Variants in TSKS observed in about 807,000 individuals in gnomAD.
TSKS encodes the protein testis specific serine kinase substrate.
TSKS carries 27 observed loss-of-function variants against 68.0 expected under a neutral mutation model. That is an observed-to-expected ratio of 0.40 (90% CI 0.29 to 0.55). TSKS has a LOEUF of 0.55. Ranked by LOEUF, TSKS falls within the 20% of genes least tolerant of loss-of-function variation. The pLI is 0.53. For synonymous variants in TSKS, 331 were observed against 340.4 expected, an observed-to-expected ratio of 0.97 and a Z score of 0.30; for missense variants, 806 against 776.0, an observed-to-expected ratio of 1.04 and a Z score of -0.46.
At chr19:49,761,904 T>G in intron 2 of TSKS, 100 bp downstream of exon 2, 1 of 963,002 alleles carries the variant, frequency 1.0e-6, no homozygotes, top group South Asian at 1.6e-5. Flanking sequence ...CAGAACATTC[T>G]AACTCCAAGT....
intron 2 of TSKS, among the ~76,000 whole-genome samples, chr19:49,759,676 A>G (rs1460589873): frequency 2.0e-5 from 3 of 150,882 alleles, no homozygotes; most frequent in Non-Finnish European, 4.4e-5. Flanking sequence ...AAAGAAAGAA[A>G]AAAATTTGTT....
At chr19:49,748,906 A>T (rs1402852472) in intron 2 of TSKS, among the ~76,000 whole-genome samples, 1 of 152,128 alleles carries the variant, frequency 6.6e-6, no homozygotes, top group Non-Finnish European at 1.5e-5. Context: ...AACTCTACTA[A>T]AAATACAAAA....
chr19:49,762,999 C>T (rs941062987), intron 1 of TSKS, 79 bp downstream of exon 1: 6 of 1,506,468 alleles, frequency 4.0e-6, no homozygotes, highest in Non-Finnish European at 5.3e-6. Flanking sequence ...CTTCCTCTAG[C>T]ACCCACAGTC....
intron 2 of TSKS, among the ~76,000 whole-genome samples, chr19:49,753,486 C>T (rs200406799): frequency 7.3e-5 from 11 of 151,322 alleles, no homozygotes; most frequent in South Asian, 2.1e-4. Flanking sequence ...GGTGTGAACC[C>T]GGGAGGCGGA....
rs1421851374 is a variant in TSKS, at chr19:49,748,487, A to C, written c.400-18T>G. On this transcript the variant is annotated intron_variant, in intron 2 of 10. Coordinates refer to ENST00000246801, the MANE Select transcript of TSKS (RefSeq NM_021733.2). ...ACCCCACTCTGGGGAAGAATGGGAG[A>C]CAGGTGAGTTAGTGGGTATGTGGGG... The C allele has an allele frequency of 6.2e-7, 1 of 1,611,016 alleles. No homozygotes were observed. Among genetic ancestry groups the C allele is most frequent in the African/African-American group, 1.3e-5 (1 of 75,008 alleles).
chr19:49,743,290 G>A (rs1301039839), intron 8 of TSKS, among the ~76,000 whole-genome samples: 2 of 151,738 alleles, frequency 1.3e-5, no homozygotes, highest in South Asian at 2.1e-4. Context: ...TGTTGGCCAG[G>A]CTGGTCTCAA....
intron 10 of TSKS, 33 bp downstream of exon 10, chr19:49,740,025 AC>A: frequency 9.3e-6 from 15 of 1,613,380 alleles, no homozygotes; most frequent in Non-Finnish European, 1.3e-5. Flanking sequence ...CCAAGATCTC[AC>A]CCTCCTCCCA....
In TSKS at chr19:49,748,137, T is replaced by C. The variant is rs2084318295; in HGVS notation, c.527A>G (p.Glu176Gly). ...CTCTTCTGCCTCTTGCCGCCTTCTC[T>C]CCAGATTCTCGCTCAGCACAGAACA... is the stretch of plus-strand genomic sequence containing the variant. ...SECSVLSENL[E>G]RRRQEAEELE... Residue 176 changes from glutamate (E) to glycine (G), a missense_variant, in exon 4 of 11, where the codon GAG (glutamate) becomes GGG (glycine). Coordinates refer to ENST00000246801, the MANE Select transcript of TSKS (RefSeq NM_021733.2). The C allele has an allele frequency of 1.2e-6, 2 of 1,614,134 alleles. No homozygotes were observed. Among genetic ancestry groups the C allele is most frequent in the South Asian group, 1.1e-5 (1 of 91,082 alleles).
In TSKS at chr19:49,762,178, C is replaced by G. The variant is rs771628599; in HGVS notation, c.225G>C (p.Arg75=). The G allele has an allele frequency of 6.2e-7, 1 of 1,613,944 alleles. No individual in the cohort carries two copies. Among genetic ancestry groups the G allele is most frequent in the Non-Finnish European group, 8.5e-7 (1 of 1,180,038 alleles). ...GTGACACGTTGGTGCAGGCCGAGGA[C>G]CGTTTGAGGTTCAGGCACCAGTGCA... is the stretch of plus-strand genomic sequence containing the variant. The part of the protein sequence containing the change: ...QPMHWCLNLK[R]SSACTNVSLL... The change falls in exon 2 of 11, where the codon CGG becomes CGC. Residue 75 remains arginine (R), a synonymous_variant. Transcript: ENST00000246801.
chr19:49,740,954 G>A (rs184399255), intron 9 of TSKS, among the ~76,000 whole-genome samples: 6 of 151,852 alleles, frequency 4.0e-5, no homozygotes, highest in African/African-American at 9.7e-5. Flanking sequence ...TGAGGCAGGC[G>A]GATCACGAGA....
At position 49,745,203 on chromosome 19, in the gene TSKS, T is replaced by C. The variant is rs1445668192; in HGVS notation, c.1186A>G (p.Met396Val). 6 of 1,583,796 alleles carry C rather than the reference T, an allele frequency of 3.8e-6. No individual in the cohort carries two copies. Among genetic ancestry groups the C allele is most frequent in the Admixed American group, 1.7e-5 (1 of 58,558 alleles). The change falls in exon 7 of 11, where the codon ATG becomes GTG. Residue 396 changes from methionine (M) to valine (V), a missense_variant and splice_region_variant. Coordinates refer to ENST00000246801, the MANE Select transcript of TSKS (RefSeq NM_021733.2). ...CCATGCACTGGCCCCAATCCTCACA[T>C]GGTGCACAGCTCATCCGCCCGACCT... Reference protein sequence around the residue: ...LRGRADELCTMVERSAVSVAS... With the variant: ...LRGRADELCTVVERSAVSVAS...
At position 49,761,969 on chromosome 19, in the gene TSKS, G is replaced by A. The variant is rs372715105; in HGVS notation, c.399+35C>T. ...TTGCTACCACCTTGTGGAGGACCTC[G>A]GTCCTCCCCAGCGGGTGGTGTGGAG... is the stretch of plus-strand genomic sequence containing the variant. On this transcript the variant is annotated intron_variant, in intron 2 of 10. Transcript: ENST00000246801. 214 of 1,564,414 alleles carry A rather than the reference G, an allele frequency of 1.4e-4. 1 individual carries two copies. The African/African-American group carries it at 2.1e-3, about 15-fold the overall frequency.
At chr19:49,755,558 T>C (rs117607193) in intron 2 of TSKS, among the ~76,000 whole-genome samples, 1 of 151,932 alleles carries the variant, frequency 6.6e-6, no homozygotes, top group East Asian at 1.9e-4. Context: ...AGGCTGGACA[T>C]GGTGGCTCAC....
chr19:49,757,214 T>C (rs2084399101), intron 2 of TSKS, among the ~76,000 whole-genome samples: 1 of 152,180 alleles, frequency 6.6e-6, no homozygotes. Context: ...TAGCAAGGAA[T>C]TGAGGCCTCC....
chr19:49,759,441 C>A (rs973744273), intron 2 of TSKS, among the ~76,000 whole-genome samples: 9 of 148,906 alleles, frequency 6.0e-5, no homozygotes, highest in African/African-American at 2.2e-4. Context: ...TGCACTGCAG[C>A]CTGGCAACAG....
intron 6 of TSKS, among the ~76,000 whole-genome samples, chr19:49,746,108 G>A (rs2084296783): frequency 6.6e-6 from 1 of 152,102 alleles, no homozygotes; most frequent in Non-Finnish European, 1.5e-5. Context: ...GCGTGAACCC[G>A]GGAGGCGGAG....
At position 49,746,504 on chromosome 19, in the gene TSKS, A is replaced by G. The variant is rs1264430546; in HGVS notation, c.958T>C (p.Leu320=). The part of the protein sequence containing the change: ...GEGPYVSEQE[L]QKLFTGIEEL... ...TCGATGCCGGTGAACAGCTTCTGCA[A>G]TTCCTGCTCGCTCACGTAGGGGCCC... The change falls in exon 6 of 11, where the codon TTG becomes CTG. Residue 320 remains leucine (L), a synonymous_variant. Transcript: ENST00000246801. 2.5e-6 allele frequency: 4 copies of G among 1,613,900 alleles called. No homozygotes were observed. Among genetic ancestry groups the G allele is most frequent in the Non-Finnish European group, 3.4e-6 (4 of 1,179,932 alleles).
Position 49,746,644 on chromosome 19 carries a change from A to C in TSKS, c.818T>G (p.Leu273Arg), listed in dbSNP as rs1429462152. The change falls in exon 6 of 11, where the codon CTG (leucine) becomes CGG (arginine). Residue 273 changes from leucine (L) to arginine (R), a missense_variant. Leu to Arg is a moderately radical substitution (Grantham distance 102). Transcript: ENST00000246801. The stretch of plus-strand genomic sequence containing the variant: ...GCCCTGGGACGTGGCGGCGGGGCCC[A>C]GGCTGTTCCAGGAGAGGCCAGCCTC... ...KPEAGLSWNS[L>R]GPAATSQGCP... 5 of 1,608,096 alleles carry C rather than the reference A, an allele frequency of 3.1e-6. No individual in the cohort carries two copies. Among genetic ancestry groups the C allele is most frequent in the Non-Finnish European group, 4.2e-6 (5 of 1,179,532 alleles).
In TSKS at chr19:49,739,765, T is replaced by A. The variant is rs1220261927; in HGVS notation, c.*11A>T. Reference sequence around the variant, plus strand: ...AAAGCAGACAGAATTCATGCTAGCATGAGAGGCCATTTATTGTTCAGGGGC... The same window carrying A: ...AAAGCAGACAGAATTCATGCTAGCAAGAGAGGCCATTTATTGTTCAGGGGC... On this transcript the variant is annotated 3_prime_UTR_variant, in exon 11 of 11. Transcript: ENST00000246801. 1 of 1,218,266 alleles carries A rather than the reference T, an allele frequency of 8.2e-7. No homozygotes were observed. Among genetic ancestry groups the A allele is most frequent in the Non-Finnish European group, 1.2e-6 (1 of 832,922 alleles). 75.5% of individuals were successfully genotyped at this position (1,218,266 alleles called of 1,614,324 possible). A position where few individuals can be genotyped will look rare whatever the true frequency, so the allele number is the denominator to read the frequency against.
Sources: gnomAD v4.1 joint callset for allele counts (sites outside exome capture counted in the v4.1 genomes callset) on GRCh38, gnomAD v4.1.1 for gene constraint, MANE v1.5 for transcripts, NCBI Gene and HGNC (gene_info 2026-07-23, HGNC 2026-07-21) for gene names.